The following TANC1 variants were observed in gnomAD, a reference collection of about 807,000 sequenced individuals.
The protein encoded by TANC1 is protein TANC1.
Under a neutral mutation model 149.7 loss-of-function variants are expected in TANC1, and 77 were observed. The ratio of observed to expected loss-of-function variants is 0.51; its 90% confidence interval spans 0.43 to 0.62. TANC1 has a LOEUF of 0.62. TANC1 is among the 20% of genes least tolerant of loss of function. The pLI is 0.00. For missense variants in TANC1, 1,985 were observed against 2,321.8 expected, an observed-to-expected ratio of 0.85 and a Z score of 2.98; for synonymous variants, 854 against 925.0, an observed-to-expected ratio of 0.92 and a Z score of 1.39.
chr2:159,203,798 A>C (rs1474578071), intron 19 of TANC1, among the ~76,000 whole-genome samples: 1 of 151,438 alleles, frequency 6.6e-6, no homozygotes, highest in Non-Finnish European at 1.5e-5. Context: ...GCTGGTCTCA[A>C]ACCCCTGGGC....
At chr2:159,079,346 CTTTTTTT>C (rs68143585) in intron 3 of TANC1, among the ~76,000 whole-genome samples, 1 of 109,908 alleles carries the variant, frequency 9.1e-6, no homozygotes, top group African/African-American at 3.6e-5. Flanking sequence ...GTGTGTGTGT[CTTTTTTT>C]TTTTTTTTTT....
intron 2 of TANC1, among the ~76,000 whole-genome samples, chr2:159,015,301 G>A (rs188802449): frequency 2.8e-4 from 43 of 152,198 alleles, no homozygotes; most frequent in African/African-American, 8.0e-4. Context: ...CAAGCTCTAC[G>A]TTGGCCCCTT....
chr2:159,127,916 C>G (rs1416005427), intron 4 of TANC1, among the ~76,000 whole-genome samples: 2 of 152,222 alleles, frequency 1.3e-5, no homozygotes, highest in Non-Finnish European at 2.9e-5. Context: ...TGTTTTCCTA[C>G]CAGATTGTGA....
Position 159,196,746 on chromosome 2 carries a change from G to T in TANC1, c.3118G>T (p.Ala1040Ser), listed in dbSNP as rs752568121. Residue 1040 changes from alanine to serine, a missense_variant, in exon 18 of 27, where the codon GCC becomes TCC. By Grantham distance (99) the Ala-to-Ser change is moderately conservative (BLOSUM62 1). Transcript: ENST00000263635. ...GCCAGGCACCCTGAGGAAGAGCCACGCCCTGCAGCAGGCGCTGACCGCGGC... is the reference window on the plus strand; with the variant it reads ...GCCAGGCACCCTGAGGAAGAGCCACTCCCTGCAGCAGGCGCTGACCGCGGC... ...PQPGTLRKSH[A>S]LQQALTAAAS... The T allele has an allele frequency of 6.2e-7, 1 of 1,613,434 alleles. No individual in the cohort carries two copies. Among genetic ancestry groups the T allele is most frequent in the Non-Finnish European group, 8.5e-7 (1 of 1,179,938 alleles).
At chr2:159,020,432 T>A in intron 2 of TANC1, among the ~76,000 whole-genome samples, 1 of 152,190 alleles carries the variant, frequency 6.6e-6, no homozygotes, top group East Asian at 1.9e-4. Flanking sequence ...GGCCTTAGAA[T>A]AGGACTTTAA....
At chr2:159,086,907 T>C in intron 3 of TANC1, among the ~76,000 whole-genome samples, 1 of 146,832 alleles carries the variant, frequency 6.8e-6, no homozygotes, top group South Asian at 2.2e-4. Context: ...GGTAAACTGA[T>C]TTTTTTTTTT....
At chr2:159,100,878 A>T (rs530572023) in intron 4 of TANC1, among the ~76,000 whole-genome samples, 7 of 150,248 alleles carry the variant, frequency 4.7e-5, no homozygotes, top group Admixed American at 6.6e-5. Flanking sequence ...TTAATAATTT[A>T]AAAAAAAAAC....
At chr2:159,097,953 T>G (rs2046302508) in intron 4 of TANC1, 119 bp downstream of exon 4, 1 of 834,272 alleles carries the variant, frequency 1.2e-6, no homozygotes, top group Non-Finnish European at 1.8e-6. Context: ...TCGCAGTATC[T>G]TCTAGAAGAA....
At position 159,194,836 on chromosome 2, in the gene TANC1, CCT is replaced by C. The variant is rs370151988; in HGVS notation, c.2979+348_2979+349del. 3.8e-4 allele frequency among the ~76,000 whole-genome samples: 58 copies of C among 152,204 alleles called. 1 individual carries two copies. The highest frequency in any genetic ancestry group is 1.3e-3 in the African/African-American group (53 of 41,546). On this transcript the variant is annotated intron_variant, in intron 17 of 26. Transcript: ENST00000263635. ...ATATTTTAAATGTTTGCTTTTTTCCCCTCTCTTCTTCTTATCCCATTTTATGT... is the reference window on the plus strand; with the variant it reads ...ATATTTTAAATGTTTGCTTTTTTCCCCTCTTCTTCTTATCCCATTTTATGT...
intron 4 of TANC1, among the ~76,000 whole-genome samples, chr2:159,125,422 G>T (rs535463046): frequency 6.6e-6 from 1 of 152,158 alleles, no homozygotes; most frequent in African/African-American, 2.4e-5. Context: ...GGCACATCTG[G>T]CTCTCTTCTC....
intron 7 of TANC1, among the ~76,000 whole-genome samples, chr2:159,156,993 A>G (rs2053512723): frequency 6.6e-6 from 1 of 152,232 alleles, no homozygotes. Context: ...ATAGCAGAGC[A>G]TGCCTTGCGC....
intron 1 of TANC1, among the ~76,000 whole-genome samples, chr2:158,974,853 C>T (rs2033427373): frequency 6.6e-6 from 1 of 152,018 alleles, no homozygotes; most frequent in Admixed American, 6.6e-5. Context: ...CCACCTCAGC[C>T]TCCTAAGTAG....
intron 3 of TANC1, among the ~76,000 whole-genome samples, chr2:159,081,656 G>A (rs1204904807): frequency 1.3e-5 from 2 of 152,180 alleles, no homozygotes; most frequent in Non-Finnish European, 2.9e-5. Flanking sequence ...TGGGAGTATA[G>A]TTGTCTGTAA....
At chr2:159,077,318 A>G (rs1228689983) in intron 3 of TANC1, among the ~76,000 whole-genome samples, 1 of 152,198 alleles carries the variant, frequency 6.6e-6, no homozygotes, top group Admixed American at 6.5e-5. Flanking sequence ...CTATTCTAAA[A>G]TCACTTGTTT....
At chr2:158,980,346 T>C (rs73001007) in intron 1 of TANC1, among the ~76,000 whole-genome samples, 3,795 of 152,256 alleles carry the variant, frequency 0.025, 151 homozygotes, top group African/African-American at 0.086. Flanking sequence ...ATCTAATTTG[T>C]TGAAATACTT....
chr2:159,211,031 C>T (rs1276575425), intron 19 of TANC1, among the ~76,000 whole-genome samples: 11 of 152,002 alleles, frequency 7.2e-5, no homozygotes, highest in African/African-American at 2.2e-4. Context: ...CCACCACTCC[C>T]GGCTAATTTT....
chr2:159,025,184 CTTTCT>C (rs1160431426), intron 2 of TANC1, among the ~76,000 whole-genome samples: 1 of 134,392 alleles, frequency 7.4e-6, no homozygotes, highest in Non-Finnish European at 1.6e-5. Context: ...CTTTCTTTTT[CTTTCT>C]TTTCTTTCTT....
chr2:159,161,828 T>C (rs2054074191), intron 7 of TANC1, among the ~76,000 whole-genome samples: 1 of 152,214 alleles, frequency 6.6e-6, no homozygotes, highest in Admixed American at 6.5e-5. Context: ...CTCTGGTAAG[T>C]GAGATTAAGT....
At chr2:159,194,632 TCACTTTGTAATGTGGCAG>T in intron 17 of TANC1, 139 bp downstream of exon 17, 4 of 760,518 alleles carry the variant, frequency 5.3e-6, no homozygotes, top group Non-Finnish European at 8.7e-6. Flanking sequence ...CAGGGATTGG[TCACTTTGTAATGTGGCAG>T]CCTCAGAGAG....
Sources: allele counts gnomAD v4.1 joint callset (sites outside exome capture counted in the v4.1 genomes callset), GRCh38; gene constraint gnomAD v4.1.1; transcripts MANE v1.5; gene names NCBI Gene and HGNC (gene_info 2026-07-23, HGNC 2026-07-21).